Variants in SHOC1 observed in about 807,000 individuals in gnomAD.
SHOC1 encodes protein shortage in chiasmata 1 ortholog.
SHOC1 carries 136 observed loss-of-function variants against 179.2 expected under a neutral mutation model. The ratio of observed to expected loss-of-function variants is 0.76; its 90% CI spans 0.66 to 0.87. SHOC1 has a LOEUF of 0.87. Among genes scored for constraint, SHOC1 ranks in the 40% least tolerant of loss-of-function variants. The probability of loss-of-function intolerance (pLI) is 0.00; values close to 1 mark genes in which losing one functional copy is unlikely to be tolerated. For missense variants in SHOC1, 1,538 were observed against 1,700.8 expected, an observed-to-expected ratio of 0.90 and a Z score of 1.68; for synonymous variants, 489 against 586.6, an observed-to-expected ratio of 0.83 and a Z score of 2.41.
In SHOC1 at chr9:111,721,560, G is replaced by A. The variant is rs544694717; in HGVS notation, c.2131+849C>T. Among the ~76,000 whole-genome samples the A allele has an allele frequency of 2.2e-4, 33 of 152,174 alleles. 1 individual carries two copies. Among genetic ancestry groups the A allele is most frequent in the African/African-American group, 7.5e-4 (31 of 41,530 alleles). ...TCACCATGTTGGCTAGGCTGGTCTCGAACTCCTGACCTCAGATGATCCACC... is the reference window on the plus strand; with the variant it reads ...TCACCATGTTGGCTAGGCTGGTCTCAAACTCCTGACCTCAGATGATCCACC... On this transcript the variant is annotated intron_variant, in intron 15 of 27. Transcript: ENST00000682961.
In SHOC1 at chr9:111,703,926, A is replaced by G. The variant is rs1326367867; in HGVS notation, c.2922T>C (p.Cys974=). ...ESLKLFGSSE[C]YVVVTIDEHT... is the part of the protein sequence containing the mutation. ...GTTCATCAATTGTCACCACTACATA[A>G]CACTCTGAACTTCCAAAGAGTTTCA... is the stretch of plus-strand genomic sequence containing the variant. The change falls in exon 22 of 28, where the codon TGT becomes TGC. Residue 974 remains cysteine (C), a synonymous_variant. Transcript: ENST00000682961. 2.5e-6 allele frequency: 4 copies of G among 1,610,576 alleles called. No individual in the cohort carries two copies. In the Admixed American group the frequency reaches 5.0e-5, roughly 20 times the overall value.
At chr9:111,716,840 C>G (rs1356308055) in intron 16 of SHOC1, among the ~76,000 whole-genome samples, 1 of 152,214 alleles carries the variant, frequency 6.6e-6, no homozygotes, top group Non-Finnish European at 1.5e-5. Flanking sequence ...TTCAATTAAA[C>G]CACTTGAATG....
At chr9:111,770,563 A>G (rs536913154) in intron 5 of SHOC1, among the ~76,000 whole-genome samples, 4 of 152,228 alleles carry the variant, frequency 2.6e-5, no homozygotes, top group Admixed American at 2.6e-4. Flanking sequence ...AGTTAGGCCT[A>G]TTCTAGTGTG....
intron 3 of SHOC1, among the ~76,000 whole-genome samples, chr9:111,782,953 G>A (rs1017812572): frequency 1.2e-4 from 19 of 152,024 alleles, no homozygotes; most frequent in African/African-American, 4.3e-4. Flanking sequence ...TATCTACACA[G>A]GGGAAGAATT....
Position 111,758,771 on chromosome 9 carries a change from T to G in SHOC1, c.520A>C (p.Arg174=), listed in dbSNP as rs375493232. ...TCCTTTACCAAAAACAGTTTTAGTCTACTCAAGAGAGTAGGCAAAGTTGGT... is the reference window on the plus strand; with the variant it reads ...TCCTTTACCAAAAACAGTTTTAGTCGACTCAAGAGAGTAGGCAAAGTTGGT... ...HLPTLPTLLS[R]LKLFLVKDPL... Residue 174 remains arginine, a synonymous_variant, in exon 6 of 28, where the codon AGA becomes CGA. Coordinates refer to ENST00000682961, the MANE Select transcript of SHOC1 (RefSeq NM_001378211.1). The G allele has an allele frequency of 6.2e-7, 1 of 1,601,902 alleles. No individual in the cohort carries two copies. Among genetic ancestry groups the G allele is most frequent in the African/African-American group, 1.3e-5 (1 of 74,452 alleles).
intron 10 of SHOC1, among the ~76,000 whole-genome samples, chr9:111,742,213 G>A (rs1292884634): frequency 6.6e-6 from 1 of 152,102 alleles, no homozygotes; most frequent in Non-Finnish European, 1.5e-5. Context: ...CTATGCTAGC[G>A]TCAACCTTAT....
In SHOC1 at chr9:111,686,609, C is replaced by T. The variant is rs1192671623; in HGVS notation, c.*161G>A. 5.7e-6 allele frequency: 3 copies of T among 522,904 alleles called. No homozygotes were observed. The highest frequency in any genetic ancestry group is 1.0e-5 in the Non-Finnish European group (3 of 291,846). 32.4% of individuals were successfully genotyped at this position (522,904 alleles called of 1,614,324 possible). A position where few individuals can be genotyped will look rare whatever the true frequency, so the allele number is the denominator to read the frequency against. On this transcript the variant is annotated 3_prime_UTR_variant, in exon 28 of 28. Coordinates refer to ENST00000682961, the MANE Select transcript of SHOC1 (RefSeq NM_001378211.1). ...ATATTTAACTTACAAAGATGCAAACCATAGGGCAGAATACATATTATGAAT... is the reference window on the plus strand; with the variant it reads ...ATATTTAACTTACAAAGATGCAAACTATAGGGCAGAATACATATTATGAAT...
intron 5 of SHOC1, among the ~76,000 whole-genome samples, chr9:111,763,882 C>T (rs1478606671): frequency 6.6e-6 from 1 of 152,084 alleles, no homozygotes; most frequent in Non-Finnish European, 1.5e-5. Context: ...GGGAGAGTTT[C>T]AGGATCAAGT....
chr9:111,739,691 A>C (rs763276458), intron 11 of SHOC1, among the ~76,000 whole-genome samples: 45 of 152,210 alleles, frequency 3.0e-4, no homozygotes, highest in Non-Finnish European at 5.4e-4. Context: ...AAGAAATAAT[A>C]CAAGACGTCT....
At chr9:111,698,020 C>T (rs1449309140) in intron 24 of SHOC1, among the ~76,000 whole-genome samples, 11 of 152,032 alleles carry the variant, frequency 7.2e-5, no homozygotes, top group African/African-American at 2.7e-4. Context: ...TATCTGTTGC[C>T]CACTTTTTGA....
At chr9:111,755,623 T>C (rs1052379131) in intron 8 of SHOC1, among the ~76,000 whole-genome samples, 8 of 152,212 alleles carry the variant, frequency 5.3e-5, no homozygotes, top group African/African-American at 1.7e-4. Context: ...CTCCTAGTCA[T>C]TGACTCCACG....
intron 5 of SHOC1, chr9:111,759,301 G>T: frequency 6.2e-7 from 1 of 1,609,556 alleles, no homozygotes; most frequent in African/African-American, 1.3e-5. Context: ...AGGGAATGGA[G>T]ATGGTCTACA....
At chr9:111,746,133 T>G (rs1285985105) in intron 10 of SHOC1, 101 bp downstream of exon 10, 2 of 668,760 alleles carry the variant, frequency 3.0e-6, no homozygotes, top group Non-Finnish European at 5.1e-6. Flanking sequence ...CTTAAATTTT[T>G]TCATAGAGGT....
chr9:111,727,731 T>C lies in SHOC1; in HGVS notation c.1736A>G (p.Glu579Gly), dbSNP rs1589414244. ...KASFEHGKKQ[E>G]NDLDLLSDFI... ...GTCGCTCAAAAGGTCCAAATCATTC[T>C]CTTGTTTTTTGCCATGTTCAAAAGA... Residue 579 changes from glutamate to glycine, a missense_variant, in exon 13 of 28, where the codon GAG (glutamate) becomes GGG (glycine). Transcript: ENST00000682961. The C allele has an allele frequency of 1.2e-6, 2 of 1,613,522 alleles. No homozygotes were observed. Among genetic ancestry groups the C allele is most frequent in the South Asian group, 2.2e-5 (2 of 91,002 alleles).
chr9:111,706,527 T>C, intron 20 of SHOC1, 41 bp downstream of exon 20: 1 of 1,402,062 alleles, frequency 7.1e-7, no homozygotes, highest in Non-Finnish European at 9.5e-7. Context: ...AAAATTTTCA[T>C]TCTAATAAAG....
chr9:111,733,142 T>C (rs1399535970), intron 12 of SHOC1, among the ~76,000 whole-genome samples: 7 of 152,202 alleles, frequency 4.6e-5, no homozygotes, highest in African/African-American at 7.2e-5. Context: ...TAAATTATAC[T>C]TCATAAAATT....
At chr9:111,689,706 G>A (rs1831344565) in intron 27 of SHOC1, among the ~76,000 whole-genome samples, 1 of 151,816 alleles carries the variant, frequency 6.6e-6, no homozygotes, top group Non-Finnish European at 1.5e-5. Context: ...GAAATAACTT[G>A]GAAATTGGAA....
intron 23 of SHOC1, among the ~76,000 whole-genome samples, chr9:111,700,285 G>A (rs577275566): frequency 6.6e-6 from 1 of 152,042 alleles, no homozygotes; most frequent in East Asian, 1.9e-4. Flanking sequence ...GGGGAGGTGT[G>A]AGTTGTGGGA....
At chr9:111,750,903 C>T (rs1273169988) in intron 8 of SHOC1, among the ~76,000 whole-genome samples, 1 of 152,164 alleles carries the variant, frequency 6.6e-6, no homozygotes, top group Non-Finnish European at 1.5e-5. Flanking sequence ...GCGTTTTCGT[C>T]ATGCAATCTT....
Sources: gnomAD v4.1 joint callset for allele counts (sites outside exome capture counted in the v4.1 genomes callset) on GRCh38, gnomAD v4.1.1 for gene constraint, MANE v1.5 for transcripts, NCBI Gene and HGNC (gene_info 2026-07-23, HGNC 2026-07-21) for gene names.